SCRIB: variants seen among roughly 807,000 people sequenced by gnomAD.
SCRIB encodes protein scribble homolog.
Under a neutral mutation model 170.0 loss-of-function variants are expected in SCRIB, and 72 were observed. The ratio of observed to expected loss-of-function variants is 0.42; its 90% CI spans 0.35 to 0.52. The LOEUF (loss-of-function observed/expected upper bound fraction) is 0.52, where lower values mean the gene tolerates loss of function less well. Ranked by LOEUF, SCRIB falls within the 20% of genes least tolerant of loss-of-function variation. The probability of loss-of-function intolerance (pLI) is 0.02; values close to 1 mark genes in which losing one functional copy is unlikely to be tolerated. For synonymous variants in SCRIB, 1,298 were observed against 1,044.3 expected, an observed-to-expected ratio of 1.24 and a Z score of -4.68; for missense variants, 2,475 against 2,338.5, an observed-to-expected ratio of 1.06 and a Z score of -1.20.
intron 24 of SCRIB, among the ~76,000 whole-genome samples, chr8:143,798,413 A>G (rs1223187176): frequency 1.2e-4 from 13 of 109,736 alleles, no homozygotes; most frequent in Admixed American, 1.0e-3. Context: ...GTGAACCCTC[A>G]GGAAGCAGCC....
Position 143,792,090 on chromosome 8 carries a change from G to A in SCRIB, c.4558C>T (p.Leu1520Phe), listed in dbSNP as rs1554632895. 1.9e-6 allele frequency: 3 copies of A among 1,593,302 alleles called. No individual in the cohort carries two copies. Among genetic ancestry groups the A allele is most frequent in the Admixed American group, 1.7e-5 (1 of 58,858 alleles). The change falls in exon 33 of 37, where the codon CTC becomes TTC. Residue 1520 changes from leucine to phenylalanine, a missense_variant. Around this residue, in one of 3 missense-constraint regions of SCRIB, gnomAD observed 1,966 missense variants for 1,742.9 expected, o/e 1.13. Coordinates refer to ENST00000356994, the MANE Select transcript of SCRIB (RefSeq NM_182706.5). ...CCCCGGCCTTCCTGGGACCTGCTGA[G>A]GACCATCTGTGCTCGGAGAGCGTCC... The part of the protein sequence containing the change: ...EQDALRAQMV[L>F]SRSQEGRGTR...
intron 1 of SCRIB, 104 bp downstream of exon 1, chr8:143,815,110 G>A (rs1816010274): frequency 1.5e-6 from 2 of 1,326,182 alleles, no homozygotes; most frequent in Non-Finnish European, 2.0e-6. Context: ...CAAACCAGCA[G>A]GGCCGGCTGG....
intron 24 of SCRIB, among the ~76,000 whole-genome samples, chr8:143,797,374 C>T (rs1814986858): frequency 6.6e-6 from 1 of 152,204 alleles, no homozygotes; most frequent in Non-Finnish European, 1.5e-5. Context: ...GAAGGGAAGG[C>T]TCGGTGGCAG....
rs376855874 is a variant in SCRIB at position 143,804,971 on chromosome 8, C to T, written c.2714G>A (p.Arg905His). The T allele has an allele frequency of 8.8e-6, 14 of 1,582,820 alleles. No homozygotes were observed. The highest frequency in any genetic ancestry group is 4.5e-5 in the East Asian group (2 of 43,980). The change falls in exon 20 of 37, where the codon CGC (arginine) becomes CAC (histidine). Residue 905 changes from arginine to histidine, a missense_variant. Physicochemically the swap from Arg to His is conservative, Grantham distance 29 (BLOSUM62 0). This residue lies in a region of SCRIB where 1,966 missense variants were observed against 1,742.9 expected (regional missense o/e 1.13). Transcript: ENST00000356994. The part of the protein sequence containing the change: ...SRIAEGGAAH[R>H]AGTLQVGDRV... ...GTCGCCAACCTGCAGTGTGCCCGCGCGGTGAGCAGCACCGCCCTCGGCAAT... is the reference window on the plus strand; with the variant it reads ...GTCGCCAACCTGCAGTGTGCCCGCGTGGTGAGCAGCACCGCCCTCGGCAAT...
chr8:143,793,542 G>A (rs1814807053), intron 28 of SCRIB: 2 of 328,956 alleles, frequency 6.1e-6, no homozygotes, highest in Non-Finnish European at 1.1e-5. Flanking sequence ...ACGTGGCAGT[G>A]TGTTGGGAGG....
rs192446661 is a variant in SCRIB at position 143,800,036 on chromosome 8, C to G, written c.3603+3347G>C. 8.0e-5 allele frequency among the ~76,000 whole-genome samples: 10 copies of G among 124,632 alleles called. No homozygotes were observed. In the East Asian group the frequency reaches 2.1e-3, roughly 26 times the overall value. The allele number at this position is 124,632 out of a possible 152,430, so 81.8% of individuals were successfully genotyped here. A position where few individuals can be genotyped will look rare whatever the true frequency, so the allele number is the denominator to read the frequency against. Reference sequence around the variant, plus strand: ...AAGGGTCATGAATTGAAGCCCCCCCCCCACCCCACCCATGCTCTGGAGTCA... The same window carrying G: ...AAGGGTCATGAATTGAAGCCCCCCCGCCACCCCACCCATGCTCTGGAGTCA... On this transcript the variant is annotated intron_variant, in intron 24 of 36. Transcript: ENST00000356994.
Position 143,810,758 on chromosome 8 carries a change from G to T in SCRIB, c.1332C>A (p.Arg444=). ...SETWSDAPPS[R]VSVIQFLEAP... ...CCTCCAGGAACTGGATGACGCTGAC[G>T]CGGCTCGGCGGGGCATCGCTCCAGG... is the stretch of plus-strand genomic sequence containing the variant. The change falls in exon 12 of 37, where the codon CGC becomes CGA. Residue 444 remains arginine (R), a synonymous_variant. Transcript: ENST00000356994. 1 of 1,607,808 alleles carries T rather than the reference G, an allele frequency of 6.2e-7. No homozygotes were observed.
intron 21 of SCRIB, 130 bp from the exon 22 acceptor site, chr8:143,804,286 C>T (rs1815310048): frequency 8.2e-6 from 6 of 733,356 alleles, no homozygotes; most frequent in South Asian, 1.9e-5. Context: ...ACGGGGATTT[C>T]TGCGCCACCA....
At chr8:143,792,164 G>C (rs782194448) in intron 32 of SCRIB, 31 bp from the exon 33 acceptor site, 1 of 1,558,546 alleles carries the variant, frequency 6.4e-7, no homozygotes, top group Non-Finnish European at 8.6e-7. Context: ...GGGTGACTTG[G>C]GGCAGGAGCA....
chr8:143,794,121 G>C, intron 27 of SCRIB, 159 bp from the exon 28 acceptor site: 1 of 651,904 alleles, frequency 1.5e-6, no homozygotes, highest in South Asian at 1.9e-5. Flanking sequence ...CGGTCAGCAC[G>C]GAGGGGCTCG....
chr8:143,806,385 G>A (rs1554636558), intron 18 of SCRIB, 22 bp downstream of exon 18: 1 of 1,580,562 alleles, frequency 6.3e-7, no homozygotes, highest in South Asian at 1.1e-5. Context: ...TGCCACTCGG[G>A]GCGGAGAGGT....
intron 14 of SCRIB, 53 bp from the exon 15 acceptor site, chr8:143,809,078 AG>A (rs1815577836): frequency 2.6e-6 from 4 of 1,558,984 alleles, no homozygotes; most frequent in Non-Finnish European, 3.5e-6. Context: ...GTGCTTCCAC[AG>A]GAAGACCCTA....
At chr8:143,805,594 G>C (rs988814152) in intron 18 of SCRIB, among the ~76,000 whole-genome samples, 159 bp from the exon 19 acceptor site, 1 of 152,156 alleles carries the variant, frequency 6.6e-6, no homozygotes, top group Non-Finnish European at 1.5e-5. Flanking sequence ...TTAGCCACAA[G>C]GTTCCTCGTG....
Position 143,815,523 on chromosome 8 carries a change from G to C in SCRIB, c.-151C>G. ...ACTGGACGGGGACGCGGCCGCGGCCGGCGCTGGGCCCGGCCCGCGCTCGGA... is the reference window on the plus strand; with the variant it reads ...ACTGGACGGGGACGCGGCCGCGGCCCGCGCTGGGCCCGGCCCGCGCTCGGA... On this transcript the variant is annotated 5_prime_UTR_variant, in exon 1 of 37. Coordinates refer to ENST00000356994, the MANE Select transcript of SCRIB (RefSeq NM_182706.5). The C allele has an allele frequency of 1.0e-6, 1 of 984,300 alleles. No homozygotes were observed. Among genetic ancestry groups the C allele is most frequent in the Non-Finnish European group, 1.2e-6 (1 of 830,032 alleles). The allele number at this position is 984,300 out of a possible 1,614,324, so 61.0% of individuals were successfully genotyped here. A position where few individuals can be genotyped will look rare whatever the true frequency, so the allele number is the denominator to read the frequency against.
Position 143,792,274 on chromosome 8 carries a change from G to A in SCRIB, c.4460C>T (p.Pro1487Leu). Residue 1487 changes from proline to leucine, a missense_variant, in exon 32 of 37, where the codon CCT becomes CTT. Physicochemically the swap from Pro to Leu is moderately conservative, Grantham distance 98 (BLOSUM62 -3). Coordinates refer to ENST00000356994, the MANE Select transcript of SCRIB (RefSeq NM_182706.5). ...EPPAPERALSPAELRALEAEK... is the reference protein window; with the variant it reads ...EPPAPERALSLAELRALEAEK... Reference sequence around the variant, plus strand: ...GGCCTCCAGGGCCCGGAGCTCGGCAGGGGACAGGGCACGCTCGGGTGCCGG... The same window carrying A: ...GGCCTCCAGGGCCCGGAGCTCGGCAAGGGACAGGGCACGCTCGGGTGCCGG... 1.3e-6 allele frequency: 2 copies of A among 1,570,724 alleles called. No individual in the cohort carries two copies. The highest frequency in any genetic ancestry group is 2.3e-5 in the South Asian group (2 of 87,742).
Position 143,791,259 on chromosome 8 carries a change from G to T in SCRIB, c.4872C>A (p.Pro1624=). 6.6e-7 allele frequency: 1 copy of T among 1,516,592 alleles called. No homozygotes were observed. Among genetic ancestry groups the T allele is most frequent in the Non-Finnish European group, 8.8e-7 (1 of 1,132,156 alleles). The allele number at this position is 1,516,592 out of a possible 1,614,324, so 93.9% of individuals were successfully genotyped here. The change falls in exon 37 of 37, where the codon CCC becomes CCA. Residue 1624 remains proline, a synonymous_variant. Transcript: ENST00000356994. The part of the protein sequence containing the change: ...GEVALVLLGR[P]SPGAVGPEDV... ...CTTCAGGGCCCACAGCGCCGGGTGA[G>T]GGCCTGCCCAGAAGCACCAGAGCCA... is the stretch of plus-strand genomic sequence containing the variant.
intron 28 of SCRIB, chr8:143,793,485 G>T (rs1554633476): frequency 3.4e-6 from 1 of 293,216 alleles, no homozygotes; most frequent in East Asian, 6.0e-5. Context: ...TGCCTGTGAG[G>T]GGCTGAGCTG....
chr8:143,803,695 G>C lies in SCRIB; in HGVS notation c.3366C>G (p.His1122Gln). 1 of 1,582,982 alleles carries C rather than the reference G, an allele frequency of 6.3e-7. No individual in the cohort carries two copies. The highest frequency in any genetic ancestry group is 8.5e-7 in the Non-Finnish European group (1 of 1,170,906). The change falls in exon 23 of 37, where the codon CAC becomes CAG. Residue 1122 changes from histidine (H) to glutamine (Q), a missense_variant. Transcript: ENST00000356994. ...GISIRGGARG[H>Q]AGNPRDPTDE... ...CTGTGGGGTCGCGGGGGTTGCCAGC[G>C]TGGCCCCTGGCACCCCCGCGGATGC...
At position 143,810,973 on chromosome 8, in the gene SCRIB, A is replaced by G. The variant is rs1490875857; in HGVS notation, c.1206T>C (p.Asp402=). The G allele has an allele frequency of 1.9e-6, 3 of 1,611,816 alleles. No homozygotes were observed. The highest frequency in any genetic ancestry group is 8.5e-7 in the Non-Finnish European group (1 of 1,179,522). The change falls in exon 11 of 37, where the codon GAT becomes GAC. Residue 402 remains aspartate (D), a synonymous_variant. Transcript: ENST00000356994. ...GCACCTTCTCGCCGGTCCGGGCATC[A>G]TCCTCCGTCTGGAACCGGAGCATGG... ...AQPMLRFQTE[D]DARTGEKVLT... is the part of the protein sequence containing the mutation.
Sources: gnomAD v4.1 joint callset for allele counts (sites outside exome capture counted in the v4.1 genomes callset) on GRCh38, gnomAD v4.1.1 for gene constraint, gnomAD v4.1.1 regional missense constraint, MANE v1.5 for transcripts, NCBI Gene and HGNC (gene_info 2026-07-23, HGNC 2026-07-21) for gene names.